RAD51B: variants seen among roughly 807,000 people sequenced by gnomAD.
RAD51B encodes DNA repair protein RAD51 homolog 2.
A neutral mutation model predicts 42.2 loss-of-function variants in RAD51B; 38 were observed. The ratio of observed to expected loss-of-function variants is 0.90; its 90% confidence interval spans 0.70 to 1.18. The LOEUF is 1.18. RAD51B is among the 50% of genes most tolerant of loss of function. The pLI is 0.00. For synonymous variants in RAD51B, 154 were observed against 145.2 expected (o/e 1.06, Z -0.43); for missense variants, 373 against 400.7 (o/e 0.93, Z 0.59).
At chr14:67,873,950 A>AGGGTGGGGGGGGGGGGGGG (rs2042636403) in intron 5 of RAD51B, among the ~76,000 whole-genome samples, 1 of 94,736 alleles carries the variant, frequency 1.1e-5, no homozygotes, top group Non-Finnish European at 2.1e-5. Context: ...GGGTAGGGGG[A>AGGGTGGGGGGGGGGGGGGG]GGGGGGAGGG....
intron 7 of RAD51B, among the ~76,000 whole-genome samples, chr14:68,263,978 C>G (rs1379966592): frequency 2.6e-5 from 4 of 152,228 alleles, no homozygotes; most frequent in Admixed American, 2.6e-4. Flanking sequence ...AACTGCCTTA[C>G]ACTTTTCTCT....
chr14:67,976,440 G>T (rs1002472733), intron 7 of RAD51B, among the ~76,000 whole-genome samples: 11 of 150,884 alleles, frequency 7.3e-5, no homozygotes, highest in African/African-American at 2.7e-4. Context: ...TTTGTTTTTT[G>T]TTTTTTAATT....
chr14:68,072,063 TTATATAAATATATAAATA>T (rs1198991469), intron 7 of RAD51B, among the ~76,000 whole-genome samples: 1 of 90,688 alleles, frequency 1.1e-5, no homozygotes, highest in Non-Finnish European at 2.0e-5. Context: ...TTATATATAT[TTATATAAATATATAAATA>T]TATATAAATA....
intron 7 of RAD51B, among the ~76,000 whole-genome samples, chr14:68,056,615 G>A (rs2076479451): frequency 6.6e-6 from 1 of 151,766 alleles, no homozygotes; most frequent in African/African-American, 2.4e-5. Context: ...CAGGCGTGGT[G>A]ATGTGTGCCT....
chr14:67,981,127 A>C (rs1695797436), intron 7 of RAD51B, among the ~76,000 whole-genome samples: 1 of 152,220 alleles, frequency 6.6e-6, no homozygotes, highest in African/African-American at 2.4e-5. Flanking sequence ...AGGTGAGAGG[A>C]TTGCCTGAGC....
chr14:68,221,395 C>A (rs1455398814), intron 7 of RAD51B, among the ~76,000 whole-genome samples: 1 of 152,150 alleles, frequency 6.6e-6, no homozygotes, highest in Non-Finnish European at 1.5e-5. Flanking sequence ...CAAATACTTA[C>A]AGCCAACCGA....
At chr14:68,490,968 G>C (rs1032847650) in intron 10 of RAD51B, among the ~76,000 whole-genome samples, 3 of 152,172 alleles carry the variant, frequency 2.0e-5, no homozygotes, top group African/African-American at 7.2e-5. Flanking sequence ...TCATTAACAT[G>C]GTAGAAGCAA....
At chr14:68,118,217 A>C (rs2077583415) in intron 7 of RAD51B, among the ~76,000 whole-genome samples, 1 of 152,234 alleles carries the variant, frequency 6.6e-6, no homozygotes, top group South Asian at 2.1e-4. Flanking sequence ...GTTAACATCT[A>C]ATATAAGTAT....
intron 5 of RAD51B, among the ~76,000 whole-genome samples, chr14:67,872,188 C>T (rs2042559246): frequency 6.7e-6 from 1 of 149,308 alleles, no homozygotes; most frequent in South Asian, 2.2e-4. Flanking sequence ...TCTAGAAAAC[C>T]CCATTGTCTC....
chr14:68,123,650 A>T (rs1430926910), intron 7 of RAD51B, among the ~76,000 whole-genome samples: 2 of 152,106 alleles, frequency 1.3e-5, no homozygotes, highest in African/African-American at 4.8e-5. Flanking sequence ...TCTACTAAAA[A>T]TACAAAAATT....
intron 10 of RAD51B, among the ~76,000 whole-genome samples, chr14:68,551,967 C>T (rs866358107): frequency 6.6e-6 from 1 of 152,310 alleles, no homozygotes; most frequent in African/African-American, 2.4e-5. Context: ...ACAGGGACCA[C>T]GTCTTTACCT....
intron 10 of RAD51B, among the ~76,000 whole-genome samples, chr14:68,589,339 C>T (rs1487402677): frequency 1.3e-5 from 2 of 152,214 alleles, no homozygotes; most frequent in Admixed American, 1.3e-4. Context: ...TTAGGGTCAG[C>T]AACTGACCCT....
chr14:68,377,927 T>A (rs569373495), intron 8 of RAD51B, among the ~76,000 whole-genome samples: 4 of 152,332 alleles, frequency 2.6e-5, no homozygotes, highest in African/African-American at 4.8e-5. Flanking sequence ...AGTTTTTTTT[T>A]AAATCATAAA....
intron 8 of RAD51B, among the ~76,000 whole-genome samples, chr14:68,299,734 C>T (rs573128108): frequency 2.2e-4 from 33 of 152,284 alleles, no homozygotes; most frequent in African/African-American, 7.2e-4. Flanking sequence ...TCCAGAGGTA[C>T]ATTTTTATCC....
chr14:68,510,817 A>T (rs763935634), intron 10 of RAD51B, among the ~76,000 whole-genome samples: 6 of 152,112 alleles, frequency 3.9e-5, no homozygotes, highest in Non-Finnish European at 5.9e-5. Context: ...TTCCTATAGT[A>T]CCTAGGATCA....
At chr14:67,915,128 A>T (rs75186708) in intron 7 of RAD51B, among the ~76,000 whole-genome samples, 1 of 152,330 alleles carries the variant, frequency 6.6e-6, no homozygotes, top group East Asian at 1.9e-4. Flanking sequence ...ACTGGGTGCC[A>T]TGCTCACTAT....
chr14:67,821,734 T>C (rs771023495), intron 1 of RAD51B, among the ~76,000 whole-genome samples: 18 of 152,346 alleles, frequency 1.2e-4, no homozygotes, highest in Non-Finnish European at 2.4e-4. Flanking sequence ...AGTGCTGGGA[T>C]TGTAGGCGTG....
intron 7 of RAD51B, among the ~76,000 whole-genome samples, chr14:68,085,143 T>C (rs2076965553): frequency 6.6e-6 from 1 of 152,178 alleles, no homozygotes; most frequent in South Asian, 2.1e-4. Flanking sequence ...ACATTTCCAA[T>C]TGGAGCTGCC....
intron 8 of RAD51B, chr14:68,339,487 C>CCA: frequency 2.2e-6 from 1 of 451,428 alleles, no homozygotes; most frequent in Non-Finnish European, 3.9e-6. Flanking sequence ...ACAGCAGGAG[C>CCA]TGGAGCCATT....
Sources: allele counts gnomAD v4.1 joint callset (sites outside exome capture counted in the v4.1 genomes callset), GRCh38; gene constraint gnomAD v4.1.1; transcripts MANE v1.5; gene names NCBI Gene and HGNC (gene_info 2026-07-23, HGNC 2026-07-21).